PCDHGB5: variants seen among roughly 807,000 people sequenced by gnomAD.
PCDHGB5 encodes the protein protocadherin gamma subfamily B, 5, also known as protocadherin gamma-B5.
PCDHGB5 carries 48 observed loss-of-function variants against 62.9 expected under a neutral mutation model. The ratio of observed to expected loss-of-function variants is 0.76; its 90% CI spans 0.61 to 0.97. The LOEUF (loss-of-function observed/expected upper bound fraction) is 0.97, where lower values mean the gene tolerates loss of function less well. Among genes scored for constraint, PCDHGB5 ranks in the 50% least tolerant of loss-of-function variants. The pLI is 0.00. For synonymous variants in PCDHGB5, 474 were observed against 511.2 expected, an observed-to-expected ratio of 0.93 and a Z score of 0.98; for missense variants, 1,118 against 1,198.6, an observed-to-expected ratio of 0.93 and a Z score of 0.99.
At chr5:141,445,808 T>A (rs1004030960) in intron 1 of PCDHGB5, among the ~76,000 whole-genome samples, 1 of 152,182 alleles carries the variant, frequency 6.6e-6, no homozygotes, top group Non-Finnish European at 1.5e-5. Flanking sequence ...AATAAATAGA[T>A]GAAACTAATA....
intron 1 of PCDHGB5, chr5:141,427,474 A>G (rs373512099): frequency 3.7e-5 from 19 of 520,294 alleles, no homozygotes; most frequent in African/African-American, 1.5e-4. Context: ...TCTTCCGCCA[A>G]TAATGACTAT....
chr5:141,421,227 C>T (rs1387397967), intron 1 of PCDHGB5: 1 of 1,587,020 alleles, frequency 6.3e-7, no homozygotes, highest in Non-Finnish European at 8.6e-7. Context: ...TAGAGCCTGC[C>T]ATGGCGAATC....
At chr5:141,479,273 T>G (rs1723290487) in intron 1 of PCDHGB5, 1 of 152,386 alleles carries the variant, frequency 6.6e-6, no homozygotes, top group South Asian at 2.1e-4. Context: ...AGTAATAATT[T>G]ATTTCAAAAA....
rs1368451336 is a variant in PCDHGB5 at position 141,505,377 on chromosome 5, C to T, written c.2457-16C>T. ...CGGCCTGGGAGTCTGTGCTCACCAT[C>T]CTACTCTCTCCCCAGCTCCCAAAAT... On this transcript the variant is annotated splice_polypyrimidine_tract_variant and intron_variant, in intron 2 of 3. Transcript: ENST00000617380. The T allele has an allele frequency of 6.2e-7, 1 of 1,614,036 alleles. No individual in the cohort carries two copies. Among genetic ancestry groups the T allele is most frequent in the Non-Finnish European group, 8.5e-7 (1 of 1,179,954 alleles).
chr5:141,500,367 C>A (rs953610460), intron 2 of PCDHGB5, among the ~76,000 whole-genome samples: 7 of 151,940 alleles, frequency 4.6e-5, no homozygotes, highest in African/African-American at 1.7e-4. Context: ...CACTACCACG[C>A]CCGGCTAATT....
At chr5:141,404,949 A>G in intron 1 of PCDHGB5, 1 of 1,613,834 alleles carries the variant, frequency 6.2e-7, no homozygotes, top group Non-Finnish European at 8.5e-7. Flanking sequence ...GCCATAGCTG[A>G]CAGCATCCCA....
Position 141,414,833 on chromosome 5 carries a change from G to A in PCDHGB5, c.2397+14309G>A, listed in dbSNP as rs768992312. On this transcript the variant is annotated intron_variant, in intron 1 of 3. Coordinates refer to ENST00000617380, the MANE Select transcript of PCDHGB5 (RefSeq NM_018925.3). ...CCACTCAGCAGCAACGTGTCGTTGAGCCTGTTTGTGCTGGACCAGAACGAC... is the reference window on the plus strand; with the variant it reads ...CCACTCAGCAGCAACGTGTCGTTGAACCTGTTTGTGCTGGACCAGAACGAC... 1.9e-6 allele frequency: 3 copies of A among 1,614,098 alleles called. No homozygotes were observed. In the East Asian group the frequency reaches 6.7e-5, roughly 36 times the overall value.
chr5:141,477,220 G>A lies in PCDHGB5; in HGVS notation c.2398-17587G>A. 24 of 1,614,190 alleles carry A rather than the reference G, an allele frequency of 1.5e-5. No individual in the cohort carries two copies. The highest frequency in any genetic ancestry group is 1.9e-5 in the Non-Finnish European group (23 of 1,180,040). ...CAGTACCCGAGGATGCCCCTCTGGG[G>A]ACTGTCATCGCTTTGCTCAGTGTGA... is the stretch of plus-strand genomic sequence containing the variant. On this transcript the variant is annotated intron_variant, in intron 1 of 3. Coordinates refer to ENST00000617380, the MANE Select transcript of PCDHGB5 (RefSeq NM_018925.3). The surrounding 1 kb of genome is among the most constrained non-coding windows in gnomAD (Gnocchi z 4.9).
At chr5:141,457,532 T>C (rs2098923599) in intron 1 of PCDHGB5, among the ~76,000 whole-genome samples, 1 of 152,058 alleles carries the variant, frequency 6.6e-6, no homozygotes, top group Admixed American at 6.6e-5. Flanking sequence ...GAGACTAGGG[T>C]TTAATGACAA....
intron 3 of PCDHGB5, among the ~76,000 whole-genome samples, chr5:141,505,995 C>T (rs1041284805): frequency 5.3e-5 from 8 of 152,142 alleles, no homozygotes; most frequent in African/African-American, 1.4e-4. Flanking sequence ...CCTCTTTATG[C>T]GAGGCTCCTC....
Position 141,430,721 on chromosome 5 carries a change from T to C in PCDHGB5, c.2397+30197T>C, listed in dbSNP as rs2097305223. The C allele has an allele frequency of 3.4e-6, 5 of 1,489,270 alleles. No homozygotes were observed. The South Asian group carries it at 7.3e-5, about 22-fold the overall frequency. 92.3% of individuals were successfully genotyped at this position (1,489,270 alleles called of 1,614,324 possible). A position where few individuals can be genotyped will look rare whatever the true frequency, so the allele number is the denominator to read the frequency against. On this transcript the variant is annotated intron_variant, in intron 1 of 3. Coordinates refer to ENST00000617380, the MANE Select transcript of PCDHGB5 (RefSeq NM_018925.3). ...AGGAACTGCTCCTGACTTCAGTGGT[T>C]AAGGGCAGAATTGAAAATAATTCTG...
chr5:141,507,287 C>G (rs79707942), intron 3 of PCDHGB5: 1 of 148,974 alleles, frequency 6.7e-6, no homozygotes, highest in East Asian at 1.9e-4. Context: ...AAGTCAGTCT[C>G]AAATGTTGCA....
chr5:141,404,680 G>C, intron 1 of PCDHGB5: 1 of 1,614,160 alleles, frequency 6.2e-7, no homozygotes, highest in East Asian at 2.2e-5. Context: ...CTGGTGTGGA[G>C]CTGGCACCCC....
At chr5:141,421,363 G>T (rs749916401) in intron 1 of PCDHGB5, 2 of 1,613,898 alleles carry the variant, frequency 1.2e-6, no homozygotes, top group South Asian at 2.2e-5. Flanking sequence ...GGGCTCCTTC[G>T]TGGGCAATAT....
intron 1 of PCDHGB5, chr5:141,416,492 A>G (rs183273356): frequency 1.4e-4 from 22 of 152,306 alleles, no homozygotes; most frequent in Admixed American, 1.4e-3. Flanking sequence ...AACAGGAGCA[A>G]GAGATATATG....
Position 141,415,740 on chromosome 5 carries a change from G to GTTTTTTTTTTTTTTT in PCDHGB5, c.2397+15234_2397+15248dup, listed in dbSNP as rs57426385. 67 of 625,038 alleles carry GTTTTTTTTTTTTTTT rather than the reference G, an allele frequency of 1.1e-4. 1 individual carries two copies. Among genetic ancestry groups the GTTTTTTTTTTTTTTT allele is most frequent in the African/African-American group, 2.5e-4 (10 of 39,932 alleles). The allele number at this position is 625,038 out of a possible 1,614,324, so 38.7% of individuals were successfully genotyped here. A position where few individuals can be genotyped will look rare whatever the true frequency, so the allele number is the denominator to read the frequency against. ...TGAGTAGAATTTGATGTTTATTAAG[G>GTTTTTTTTTTTTTTT]TTTTTTTTTTTTTTTTTTTTTTTTT... On this transcript the variant is annotated intron_variant, in intron 1 of 3. Coordinates refer to ENST00000617380, the MANE Select transcript of PCDHGB5 (RefSeq NM_018925.3).
chr5:141,430,952 C>G, intron 1 of PCDHGB5: 2 of 1,610,382 alleles, frequency 1.2e-6, no homozygotes, highest in African/African-American at 2.7e-5. Flanking sequence ...GCGCGGAGTC[C>G]GCATCATCCC....
In PCDHGB5 at chr5:141,398,534, A is replaced by T; in HGVS notation, c.407A>T (p.Asn136Ile). 1 of 1,613,768 alleles carries T rather than the reference A, an allele frequency of 6.2e-7. No homozygotes were observed. Among genetic ancestry groups the T allele is most frequent in the South Asian group, 1.1e-5 (1 of 91,060 alleles). ...INDHTPKFTQ[N>I]SFELQISESA... is the part of the protein sequence containing the mutation. ...GACCACACGCCAAAATTCACGCAAA[A>T]TTCCTTTGAGCTGCAAATAAGTGAG... Residue 136 changes from asparagine (N) to isoleucine (I), a missense_variant, in exon 1 of 4, where the codon AAT (asparagine) becomes ATT (isoleucine). Around this residue, in one of 2 missense-constraint regions of PCDHGB5, gnomAD observed 1,034 missense variants for 1,029.1 expected, o/e 1.00. Coordinates refer to ENST00000617380, the MANE Select transcript of PCDHGB5 (RefSeq NM_018925.3).
chr5:141,490,597 C>T lies in PCDHGB5; in HGVS notation c.2398-4210C>T, dbSNP rs781077720. Reference sequence around the variant, plus strand: ...TTCAGATGTCAATGACAATGCACCCCGCTTCAACCAGCAGCTTTACACTGC... The same window carrying T: ...TTCAGATGTCAATGACAATGCACCCTGCTTCAACCAGCAGCTTTACACTGC... On this transcript the variant is annotated intron_variant, in intron 1 of 3. Coordinates refer to ENST00000617380, the MANE Select transcript of PCDHGB5 (RefSeq NM_018925.3). The surrounding 1 kb of genome is among the most constrained non-coding windows in gnomAD (Gnocchi z 5.4). The T allele has an allele frequency of 1.2e-5, 20 of 1,614,182 alleles. No homozygotes were observed. The highest frequency in any genetic ancestry group is 3.3e-5 in the Admixed American group (2 of 60,026).
Sources: gnomAD v4.1 joint callset for allele counts (sites outside exome capture counted in the v4.1 genomes callset) on GRCh38, gnomAD v4.1.1 for gene constraint, gnomAD v4.1.1 regional missense constraint, Gnocchi (gnomAD v3.1) non-coding constraint, MANE v1.5 for transcripts, NCBI Gene and HGNC (gene_info 2026-07-23, HGNC 2026-07-21) for gene names.